ZNF782: variants seen among roughly 807,000 people sequenced by gnomAD.
The protein encoded by ZNF782 is zinc finger protein 782.
Under a neutral mutation model 13.0 loss-of-function variants are expected in ZNF782, and 12 were observed. That is an observed-to-expected ratio of 0.92 (90% CI 0.59 to 1.50). ZNF782 has a LOEUF of 1.50. ZNF782 is among the 40% of genes most tolerant of loss of function. The pLI is 0.00. For missense variants in ZNF782, 770 were observed against 822.9 expected, an observed-to-expected ratio of 0.94 and a Z score of 0.79; for synonymous variants, 284 against 283.0, an observed-to-expected ratio of 1.00 and a Z score of -0.04.
chr9:96,887,336 A>AGGAAGGAAGGAAGGAAGGAAGGAC, the ZNF782 span: 6 of 146,098 alleles, frequency 4.1e-5, no homozygotes, highest in African/African-American at 1.5e-4. Context: ...GAAGGAAGGA[A>AGGAAGGAAGGAAGGAAGGAAGGAC]GGAAGAAAGA....
upstream of ZNF782, among the ~76,000 whole-genome samples, chr9:96,877,503 C>A (rs1851908530): frequency 6.6e-6 from 1 of 152,262 alleles, no homozygotes; most frequent in East Asian, 1.9e-4. Flanking sequence ...GCAGCGAGCG[C>A]CCTGCCGCGC....
chr9:96,856,964 C>T (rs1851650696), upstream of ZNF782, among the ~76,000 whole-genome samples: 1 of 152,224 alleles, frequency 6.6e-6, no homozygotes, highest in South Asian at 2.1e-4. Context: ...CCTCAGAGAC[C>T]TGCGCCTGCC....
the ZNF782 span, among the ~76,000 whole-genome samples, chr9:96,903,556 G>GTTTTTTTTT: frequency 3.7e-4 from 28 of 75,468 alleles, 1 homozygote; most frequent in Admixed American, 7.0e-4. Context: ...TTTTATGTTG[G>GTTTTTTTTT]TTTTTTTTTT....
At chr9:96,924,510 T>C in the ZNF782 span, among the ~76,000 whole-genome samples, 4 of 118,332 alleles carry the variant, frequency 3.4e-5, no homozygotes, top group Middle Eastern at 0.015. Flanking sequence ...ACACTCTTGC[T>C]TCCACAACCA....
At chr9:96,919,771 C>G in the ZNF782 span, among the ~76,000 whole-genome samples, 1 of 149,566 alleles carries the variant, frequency 6.7e-6, no homozygotes, top group African/African-American at 2.4e-5. Flanking sequence ...ACCATGTTGG[C>G]CTGGTCTCAA....
chr9:96,889,172 G>T, the ZNF782 span: 8 of 152,168 alleles, frequency 5.3e-5, no homozygotes, highest in African/African-American at 1.9e-4. Flanking sequence ...TGCATCATAA[G>T]CCCACTCCCT....
At chr9:96,828,068 G>A (rs1360439391) in intron 4 of ZNF782, among the ~76,000 whole-genome samples, 2 of 152,222 alleles carry the variant, frequency 1.3e-5, no homozygotes, top group Non-Finnish European at 2.9e-5. Flanking sequence ...TTGGAGATCT[G>A]CAGAAGGGTC....
the ZNF782 span, among the ~76,000 whole-genome samples, chr9:96,909,377 AT>A: frequency 6.7e-6 from 1 of 149,956 alleles, no homozygotes; most frequent in South Asian, 2.1e-4. Context: ...TCTTCCAAGT[AT>A]TTACAAGTGG....
chr9:96,837,898 T>C (rs972552088), intron 4 of ZNF782, among the ~76,000 whole-genome samples: 2 of 152,228 alleles, frequency 1.3e-5, no homozygotes, highest in Admixed American at 1.3e-4. Context: ...CTCATTTTTA[T>C]ATTTTTTTGT....
the ZNF782 span, chr9:96,893,137 G>A: frequency 6.6e-6 from 1 of 152,142 alleles, no homozygotes; most frequent in Admixed American, 6.6e-5. Flanking sequence ...CCATCCAGTG[G>A]CTTCTGAACA....
At chr9:96,859,867 A>C (rs938195846) in intron 3 of ZNF782, among the ~76,000 whole-genome samples, 1 of 152,300 alleles carries the variant, frequency 6.6e-6, no homozygotes, top group East Asian at 1.9e-4. Flanking sequence ...CTCTGGACTT[A>C]GCCTGGGCCA....
the ZNF782 span, among the ~76,000 whole-genome samples, chr9:96,929,834 G>T: frequency 6.6e-6 from 1 of 151,932 alleles, no homozygotes. Flanking sequence ...TGAAGAATTT[G>T]CTCCTGTTCC....
At chr9:96,835,200 A>C (rs930898421) in intron 4 of ZNF782, among the ~76,000 whole-genome samples, 1 of 152,234 alleles carries the variant, frequency 6.6e-6, no homozygotes, top group African/African-American at 2.4e-5. Context: ...AAAGTGCTCA[A>C]GAAGTGGCAT....
At chr9:96,896,506 T>C in the ZNF782 span, among the ~76,000 whole-genome samples, 1 of 152,166 alleles carries the variant, frequency 6.6e-6, no homozygotes, top group East Asian at 1.9e-4. Flanking sequence ...GCCTTTCACT[T>C]CAGCGAAATT....
At chr9:96,836,019 T>C (rs973347385) in intron 4 of ZNF782, among the ~76,000 whole-genome samples, 2 of 152,138 alleles carry the variant, frequency 1.3e-5, no homozygotes, top group Non-Finnish European at 2.9e-5. Context: ...AGAGCAGCAA[T>C]GTAAGCTGGG....
At position 96,818,093 on chromosome 9, in the gene ZNF782, T is replaced by C. The variant is rs780583443; in HGVS notation, c.1930A>G (p.Lys644Glu). ...CCACACTGATTACAATTATATGGTT[T>C]CTCCCCGGTGTGAGTTCGCTGATGT... ...RKHQRTHTGE[K>E]PYNCNQCGEA... Residue 644 changes from lysine to glutamate, a missense_variant, in exon 6 of 6, where the codon AAA becomes GAA. Lys to Glu is a moderately conservative substitution (Grantham distance 56, BLOSUM62 1). Transcript: ENST00000481138. 1.4e-5 allele frequency: 22 copies of C among 1,613,978 alleles called. No homozygotes were observed. In the South Asian group the frequency reaches 2.3e-4, roughly 17 times the overall value.
chr9:96,818,710 C>A lies in ZNF782; in HGVS notation c.1313G>T (p.Arg438Ile). 6.2e-7 allele frequency: 1 copy of A among 1,613,908 alleles called. No homozygotes were observed. Among genetic ancestry groups the A allele is most frequent in the Middle Eastern group, 1.6e-4 (1 of 6,062 alleles). ...CCCTGTGTGGGTTCTCTGGTGTATT[C>A]TTAGGCCTGACTTTGCACTGAAAGC... ...DKAFSAKSGL[R>I]IHQRTHTGEK... The change falls in exon 6 of 6, where the codon AGA becomes ATA. Residue 438 changes from arginine (R) to isoleucine (I), a missense_variant. Coordinates refer to ENST00000481138, the MANE Select transcript of ZNF782 (RefSeq NM_001001662.3).
chr9:96,845,531 A>T (rs1157904386), intron 3 of ZNF782, among the ~76,000 whole-genome samples: 1 of 152,254 alleles, frequency 6.6e-6, no homozygotes, highest in Admixed American at 6.5e-5. Context: ...TGCTGGGATT[A>T]CAGGCGTGGG....
intron 3 of ZNF782, among the ~76,000 whole-genome samples, chr9:96,848,379 T>C (rs1354313310): frequency 3.3e-5 from 5 of 152,208 alleles, no homozygotes; most frequent in Non-Finnish European, 7.3e-5. Flanking sequence ...AAACTACTGC[T>C]GTTTGTAGAT....
Sources: allele counts gnomAD v4.1 joint callset (sites outside exome capture counted in the v4.1 genomes callset), GRCh38; gene constraint gnomAD v4.1.1; transcripts MANE v1.5; gene names NCBI Gene and HGNC (gene_info 2026-07-23, HGNC 2026-07-21).